The following NCOA3 variants were observed in gnomAD, a reference collection of about 807,000 sequenced individuals.
The protein encoded by NCOA3 is CBP-interacting protein.
Under a neutral mutation model 158.8 loss-of-function variants are expected in NCOA3, and 51 were observed. The ratio of observed to expected loss-of-function variants is 0.32; its 90% CI spans 0.26 to 0.41. NCOA3 has a LOEUF of 0.41. Among genes scored for constraint, NCOA3 ranks in the 10% least tolerant of loss-of-function variants. The pLI, the probability that NCOA3 is intolerant of heterozygous loss-of-function variation, is 1.00. For missense variants in NCOA3, 1,510 were observed against 1,746.6 expected, an observed-to-expected ratio of 0.86 and a Z score of 2.41; for synonymous variants, 537 against 592.4, an observed-to-expected ratio of 0.91 and a Z score of 1.36.
rs937647316 is a variant in NCOA3 at position 47,653,403 on chromosome 20, C to G, written c.4264-3C>G. 4 of 1,276,318 alleles carry G rather than the reference C, an allele frequency of 3.1e-6. No homozygotes were observed. In the Admixed American group the frequency reaches 7.7e-5, roughly 25 times the overall value. 79.1% of individuals were successfully genotyped at this position (1,276,318 alleles called of 1,614,324 possible). On this transcript the variant is annotated splice_polypyrimidine_tract_variant and splice_region_variant and intron_variant, in intron 22 of 22. Transcript: ENST00000371998. ...TTTTTTTTTTTTTCCTGGTTGCTGACAGAAATACTGCTGACATCTCTGCAC... is the reference window on the plus strand; with the variant it reads ...TTTTTTTTTTTTTCCTGGTTGCTGAGAGAAATACTGCTGACATCTCTGCAC...
intron 1 of NCOA3, among the ~76,000 whole-genome samples, chr20:47,538,319 G>T (rs1314300073): frequency 6.6e-6 from 1 of 152,254 alleles, no homozygotes; most frequent in South Asian, 2.1e-4. Flanking sequence ...GTTTTTTTAG[G>T]CACTGCGTTA....
chr20:47,518,638 T>G (rs1317780192), intron 1 of NCOA3, among the ~76,000 whole-genome samples: 2 of 151,894 alleles, frequency 1.3e-5, no homozygotes, highest in East Asian at 3.9e-4. Context: ...TTGGTCAGGC[T>G]CGTCTCGAAC....
At chr20:47,637,308 T>C (rs1168305122) in intron 12 of NCOA3, among the ~76,000 whole-genome samples, 4 of 152,208 alleles carry the variant, frequency 2.6e-5, no homozygotes, top group African/African-American at 7.2e-5. Flanking sequence ...ATCACACTTA[T>C]TTTCAGAAGG....
chr20:47,572,348 G>T (rs2146203678), intron 1 of NCOA3, among the ~76,000 whole-genome samples: 1 of 152,120 alleles, frequency 6.6e-6, no homozygotes, highest in Admixed American at 6.6e-5. Flanking sequence ...AGGCTGCAGT[G>T]AGATGTGATT....
intron 1 of NCOA3, among the ~76,000 whole-genome samples, chr20:47,502,411 T>TG (rs2083949281): frequency 6.6e-6 from 1 of 152,176 alleles, no homozygotes; most frequent in Admixed American, 6.5e-5. Flanking sequence ...GTCGTCCTCC[T>TG]GCTGCCCCGG....
chr20:47,623,944 G>A lies in NCOA3; in HGVS notation c.117G>A (p.Glu39=). The A allele has an allele frequency of 1.2e-6, 2 of 1,613,486 alleles. No individual in the cohort carries two copies. Among genetic ancestry groups the A allele is most frequent in the Non-Finnish European group, 1.7e-6 (2 of 1,179,902 alleles). The change falls in exon 4 of 23, where the codon GAG becomes GAA. Residue 39 remains glutamate, a synonymous_variant. Transcript: ENST00000371998. ...LTCSGEKRRR[E]QESKYIEELA... is the part of the protein sequence containing the mutation. ...GCAGTGGTGAAAAACGGAGACGGGAGCAGGAAAGTAAATATATTGAAGAAT... is the reference window on the plus strand; with the variant it reads ...GCAGTGGTGAAAAACGGAGACGGGAACAGGAAAGTAAATATATTGAAGAAT...
At chr20:47,611,884 C>T (rs546059595) in intron 2 of NCOA3, among the ~76,000 whole-genome samples, 23 of 152,202 alleles carry the variant, frequency 1.5e-4, no homozygotes, top group South Asian at 6.2e-4. Flanking sequence ...AGTGCAGTGG[C>T]GCGAACCTTA....
At chr20:47,576,050 C>CAGTT (rs1211987801) in intron 1 of NCOA3, among the ~76,000 whole-genome samples, 2 of 152,278 alleles carry the variant, frequency 1.3e-5, no homozygotes, top group South Asian at 4.1e-4. Flanking sequence ...AGTTAGGGAG[C>CAGTT]AGTTGTACCT....
intron 1 of NCOA3, among the ~76,000 whole-genome samples, chr20:47,522,072 G>T (rs1337672064): frequency 2.1e-5 from 3 of 141,446 alleles, no homozygotes; most frequent in African/African-American, 7.8e-5. Flanking sequence ...TCCGTTAGCA[G>T]TGTTTTGTAG....
At chr20:47,528,253 C>T (rs148607632) in intron 1 of NCOA3, among the ~76,000 whole-genome samples, 298 of 152,118 alleles carry the variant, frequency 2.0e-3, no homozygotes, top group African/African-American at 6.7e-3. Flanking sequence ...ATTGTTAATC[C>T]GGAACATTTA....
chr20:47,558,409 A>G (rs1357917902), intron 1 of NCOA3, among the ~76,000 whole-genome samples: 3 of 151,792 alleles, frequency 2.0e-5, no homozygotes, highest in East Asian at 1.9e-4. Flanking sequence ...GGCGCCAGTC[A>G]TATTGGATTA....
intron 1 of NCOA3, among the ~76,000 whole-genome samples, chr20:47,551,299 G>T (rs189931537): frequency 4.9e-4 from 74 of 152,206 alleles, no homozygotes; most frequent in Admixed American, 3.9e-3. Flanking sequence ...GAATCTTCTG[G>T]TAGGTACTTG....
At chr20:47,585,962 C>T (rs2085529746) in intron 2 of NCOA3, among the ~76,000 whole-genome samples, 1 of 150,674 alleles carries the variant, frequency 6.6e-6, no homozygotes, top group Non-Finnish European at 1.5e-5. Flanking sequence ...AGTTTGTTAC[C>T]CAGCTTGGAG....
intron 1 of NCOA3, among the ~76,000 whole-genome samples, chr20:47,579,743 A>G (rs979922137): frequency 3.9e-5 from 6 of 152,088 alleles, no homozygotes; most frequent in Admixed American, 1.3e-4. Flanking sequence ...AACTGGGTCT[A>G]TTTTTCTGTG....
chr20:47,609,761 T>TA (rs368326392), intron 2 of NCOA3, among the ~76,000 whole-genome samples: 5 of 152,210 alleles, frequency 3.3e-5, no homozygotes, highest in Non-Finnish European at 4.4e-5. Context: ...ATCATGAAAC[T>TA]AACATTTGAA....
intron 2 of NCOA3, among the ~76,000 whole-genome samples, chr20:47,606,175 C>T (rs1354649049): frequency 2.0e-5 from 3 of 152,190 alleles, no homozygotes; most frequent in Non-Finnish European, 2.9e-5. Flanking sequence ...CGTGGGGTAT[C>T]TTGGAGAAGC....
chr20:47,602,776 A>G lies in NCOA3; in HGVS notation c.-19-19453A>G, dbSNP rs527936982. ...TAAGTCTAGTTTGTGGTGTGAAGGT[A>G]CCATCTAAACTGTTGGTGTTTCCAT... On this transcript the variant is annotated intron_variant, in intron 2 of 22. Coordinates refer to ENST00000371998, the MANE Select transcript of NCOA3 (RefSeq NM_181659.3). 6.8e-4 allele frequency among the ~76,000 whole-genome samples: 103 copies of G among 152,316 alleles called. 2 individuals are homozygous for G. Among genetic ancestry groups the G allele is most frequent in the African/African-American group, 2.3e-3 (97 of 41,572 alleles).
chr20:47,553,545 C>A (rs1272019887), intron 1 of NCOA3, among the ~76,000 whole-genome samples: 2 of 125,746 alleles, frequency 1.6e-5, no homozygotes, highest in East Asian at 5.7e-4. Context: ...CTATCCCTCC[C>A]CCCCTCCCCC....
Position 47,628,033 on chromosome 20 carries a change from CTT to C in NCOA3, c.823+16_823+17del, listed in dbSNP as rs745658404. ...AGACATGATCTTTCAGGTAAAAACT[CTT>C]TTTTTGTCTCTCTCTCTCTCTGTGT... On this transcript the variant is annotated intron_variant, in intron 8 of 22. Transcript: ENST00000371998. The C allele has an allele frequency of 1.9e-5, 30 of 1,588,068 alleles. No homozygotes were observed. The highest frequency in any genetic ancestry group is 2.1e-5 in the Non-Finnish European group (24 of 1,156,798).
Sources: gnomAD v4.1 joint callset for allele counts (sites outside exome capture counted in the v4.1 genomes callset) on GRCh38, gnomAD v4.1.1 for gene constraint, MANE v1.5 for transcripts, NCBI Gene and HGNC (gene_info 2026-07-23, HGNC 2026-07-21) for gene names.